The following INPP5B variants were observed in gnomAD, a reference collection of about 807,000 sequenced individuals.
INPP5B encodes type II inositol 1,4,5-trisphosphate 5-phosphatase.
A neutral mutation model predicts 118.5 loss-of-function variants in INPP5B; 90 were observed. The ratio of observed to expected loss-of-function variants is 0.76; its 90% confidence interval spans 0.64 to 0.90. The LOEUF is 0.90. Among genes scored for constraint, INPP5B ranks in the 40% least tolerant of loss-of-function variants. The pLI, the probability that INPP5B is intolerant of heterozygous loss-of-function variation, is 0.00. For missense variants in INPP5B, 984 were observed against 1,125.6 expected, an observed-to-expected ratio of 0.87 and a Z score of 1.80; for synonymous variants, 385 against 418.9, an observed-to-expected ratio of 0.92 and a Z score of 0.99.
intron 18 of INPP5B, among the ~76,000 whole-genome samples, chr1:37,873,591 G>A (rs1420977726): frequency 6.6e-6 from 1 of 152,170 alleles, no homozygotes; most frequent in Non-Finnish European, 1.5e-5. Flanking sequence ...ACCATGCAGA[G>A]TGCGAAGGAG....
chr1:37,929,209 T>A (rs1189701046), intron 7 of INPP5B: 1 of 151,984 alleles, frequency 6.6e-6, no homozygotes, highest in Non-Finnish European at 1.5e-5. Flanking sequence ...AACCTCTGCC[T>A]CCTGGGTTCA....
intron 6 of INPP5B, among the ~76,000 whole-genome samples, chr1:37,932,926 T>A (rs529072998): frequency 3.0e-4 from 45 of 152,338 alleles, no homozygotes; most frequent in African/African-American, 1.1e-3. Context: ...TTAGAAATTC[T>A]TGAGTCACCT....
chr1:37,922,477 C>T (rs926269107), intron 7 of INPP5B, among the ~76,000 whole-genome samples: 8 of 151,604 alleles, frequency 5.3e-5, no homozygotes, highest in African/African-American at 1.5e-4. Flanking sequence ...TTTGGGAGGC[C>T]GAGGTCAGGA....
chr1:37,913,707 A>G (rs9727120), intron 7 of INPP5B, among the ~76,000 whole-genome samples: 88,562 of 151,874 alleles, frequency 0.58, 27,927 homozygotes, highest in Non-Finnish European at 0.71. Flanking sequence ...ATCTCTCCAC[A>G]TCGCCCCTAA....
intron 7 of INPP5B, among the ~76,000 whole-genome samples, chr1:37,917,064 G>C (rs1001933373): frequency 3.3e-5 from 5 of 150,610 alleles, no homozygotes; most frequent in Admixed American, 1.3e-4. Context: ...GCCGAGGCAA[G>C]CAGATCAGGC....
Position 37,875,635 on chromosome 1 carries a change from T to C in INPP5B, c.1759A>G (p.Ile587Val), listed in dbSNP as rs769064205. 1.2e-6 allele frequency: 2 copies of C among 1,613,874 alleles called. No individual in the cohort carries two copies. Among genetic ancestry groups the C allele is most frequent in the African/African-American group, 1.3e-5 (1 of 74,908 alleles). The change falls in exon 17 of 24, where the codon ATT (isoleucine) becomes GTT (valine). Residue 587 changes from isoleucine to valine, a missense_variant. By Grantham distance (29) the Ile-to-Val change is conservative. Around this residue, in one of 2 missense-constraint regions of INPP5B, gnomAD observed 634 missense variants for 791.0 expected, o/e 0.80. Coordinates refer to ENST00000373024, the MANE Select transcript of INPP5B (RefSeq NM_005540.3). Reference sequence around the variant, plus strand: ...CGCTTGGACAGGGACACAGAAGGAATGTTGGCATTTTCCATCTTATCCAGG... The same window carrying C: ...CGCTTGGACAGGGACACAGAAGGAACGTTGGCATTTTCCATCTTATCCAGG... Reference protein sequence around the residue: ...RSLDKMENANIPSVSLSKREF... With the variant: ...RSLDKMENANVPSVSLSKREF...
intron 7 of INPP5B, among the ~76,000 whole-genome samples, chr1:37,920,463 G>A (rs988887914): frequency 2.0e-5 from 3 of 151,944 alleles, no homozygotes; most frequent in African/African-American, 4.8e-5. Flanking sequence ...TCAGGAGTTC[G>A]AGACCAACCT....
rs764213629 is a variant in INPP5B at position 37,888,360 on chromosome 1, A to T, written c.798-16T>A. ...CGCAAAAAACCTGTCACCAAAGAGA[A>T]ATAATTAGTGACTCCGAATCACTAT... is the stretch of plus-strand genomic sequence containing the variant. On this transcript the variant is annotated splice_polypyrimidine_tract_variant and intron_variant, in intron 9 of 23. Coordinates refer to ENST00000373024, the MANE Select transcript of INPP5B (RefSeq NM_005540.3). The T allele has an allele frequency of 2.4e-5, 36 of 1,474,300 alleles. No individual in the cohort carries two copies. In the South Asian group the frequency reaches 4.3e-4, roughly 18 times the overall value. 91.3% of individuals were successfully genotyped at this position (1,474,300 alleles called of 1,614,324 possible).
chr1:37,931,623 C>T (rs1335673396), intron 7 of INPP5B: 3 of 1,536,868 alleles, frequency 2.0e-6, no homozygotes, highest in African/African-American at 1.4e-5. Context: ...CCGGGCGCAC[C>T]GCCGCCCCCG....
intron 7 of INPP5B, among the ~76,000 whole-genome samples, chr1:37,905,130 G>C (rs1432945043): frequency 6.6e-6 from 1 of 151,942 alleles, no homozygotes. Context: ...GCCAGGCGTG[G>C]TGGCTCAAGC....
intron 7 of INPP5B, among the ~76,000 whole-genome samples, chr1:37,896,444 GC>G (rs1557664145): frequency 2.0e-5 from 3 of 149,912 alleles, no homozygotes; most frequent in African/African-American, 7.4e-5. Context: ...CCCCCGCCCG[GC>G]CAGCTGCCCC....
intron 13 of INPP5B, chr1:37,883,956 A>G: frequency 1.6e-6 from 1 of 622,902 alleles, no homozygotes; most frequent in Non-Finnish European, 2.0e-6. Flanking sequence ...GAGATAAATG[A>G]GATAAAGTAA....
chr1:37,942,800 T>C (rs531744500), intron 5 of INPP5B, among the ~76,000 whole-genome samples: 95 of 151,742 alleles, frequency 6.3e-4, no homozygotes, highest in Non-Finnish European at 8.1e-4. Flanking sequence ...TCCCAGCTAC[T>C]TGGGAAGCAG....
At chr1:37,864,454 T>G (rs746157597) in intron 22 of INPP5B, 31 bp from the exon 23 acceptor site, 2 of 1,295,130 alleles carry the variant, frequency 1.5e-6, no homozygotes, top group Admixed American at 1.7e-5. Flanking sequence ...ATTTGTCTTT[T>G]GTTCACTGAA....
chr1:37,879,257 T>A (rs1449146883), intron 15 of INPP5B, among the ~76,000 whole-genome samples: 6 of 148,196 alleles, frequency 4.0e-5, no homozygotes, highest in African/African-American at 1.5e-4. Context: ...GGCGACAGAG[T>A]GAGACTCCGT....
intron 23 of INPP5B, 139 bp downstream of exon 23, chr1:37,864,173 T>A (rs1192652504): frequency 3.3e-6 from 2 of 597,306 alleles, no homozygotes; most frequent in African/African-American, 3.7e-5. Context: ...AACGCAAAAC[T>A]TTCTGCTTTA....
intron 16 of INPP5B, 144 bp downstream of exon 16, chr1:37,878,044 T>TG: frequency 1.2e-5 from 11 of 941,070 alleles, no homozygotes; most frequent in Non-Finnish European, 1.6e-5. Flanking sequence ...TTAACCAAGT[T>TG]GTTAATAATT....
chr1:37,912,490 C>T (rs1045659828), intron 7 of INPP5B, among the ~76,000 whole-genome samples: 22 of 152,298 alleles, frequency 1.4e-4, no homozygotes, highest in South Asian at 6.2e-4. Context: ...TAGGGCTTTA[C>T]GCAGTCACCC....
chr1:37,900,847 T>C (rs1261469391), intron 7 of INPP5B, among the ~76,000 whole-genome samples: 4 of 151,770 alleles, frequency 2.6e-5, no homozygotes. Context: ...GTCTCTCTCT[T>C]GTCACCCAGG....
Sources: allele counts gnomAD v4.1 joint callset (sites outside exome capture counted in the v4.1 genomes callset), GRCh38; gene constraint gnomAD v4.1.1; regional missense constraint gnomAD v4.1.1; transcripts MANE v1.5; gene names NCBI Gene and HGNC (gene_info 2026-07-23, HGNC 2026-07-21).